The following LIMCH1 variants were observed in gnomAD, a reference collection of about 807,000 sequenced individuals.
The protein encoded by LIMCH1 is LIM and calponin homology domains-containing protein 1.
LIMCH1 carries 113 observed loss-of-function variants against 176.5 expected under a neutral mutation model. That is an observed-to-expected ratio of 0.64 (90% CI 0.55 to 0.75). The LOEUF is 0.75. LIMCH1 is among the 30% of genes least tolerant of loss of function. LIMCH1 has a pLI of 0.00. For synonymous variants in LIMCH1, 619 were observed against 645.9 expected (o/e 0.96, Z 0.63); for missense variants, 1,674 against 1,814.9 (o/e 0.92, Z 1.41).
At position 41,360,945 on chromosome 4, in the gene LIMCH1, G is replaced by C. The variant is rs747216619; in HGVS notation, c.96+9G>C. The stretch of plus-strand genomic sequence containing the variant: ...CGCAGAAGTGGATTGAGGTAGGTGC[G>C]GGTGGCTGGCGGGCGGCCTTGCACT... On this transcript the variant is annotated intron_variant, in intron 1 of 26. Coordinates refer to the LIMCH1 transcript ENST00000313860. The surrounding 1 kb of genome is among the most constrained non-coding windows in gnomAD (Gnocchi z 4.5). 1 of 1,562,896 alleles carries C rather than the reference G, an allele frequency of 6.4e-7. No individual in the cohort carries two copies. Among genetic ancestry groups the C allele is most frequent in the Non-Finnish European group, 8.6e-7 (1 of 1,157,186 alleles).
chr4:41,656,699 A>AT (rs2094473247), intron 18 of LIMCH1, among the ~76,000 whole-genome samples: 1 of 152,122 alleles, frequency 6.6e-6, no homozygotes. Context: ...GTGCCAGAGC[A>AT]TAAATAGACT....
chr4:41,388,552 G>C (rs1398303584), intron 1 of LIMCH1, among the ~76,000 whole-genome samples: 6 of 152,240 alleles, frequency 3.9e-5, no homozygotes, highest in African/African-American at 1.4e-4. Context: ...CATTTGTAGT[G>C]ATGGTTGCAC....
rs539338221 is a variant in LIMCH1, at chr4:41,475,481, C to T, written c.97-19055C>T. Among the ~76,000 whole-genome samples the T allele has an allele frequency of 2.0e-5, 3 of 152,232 alleles. No individual in the cohort carries two copies. In the East Asian group the frequency reaches 5.8e-4, roughly 29 times the overall value. Reference sequence around the variant, plus strand: ...TTCCCCACTTTGCATTCAGTGATATCAGGTTGAGCATGAATTCAGCTAAGG... The same window carrying T: ...TTCCCCACTTTGCATTCAGTGATATTAGGTTGAGCATGAATTCAGCTAAGG... On this transcript the variant is annotated intron_variant, in intron 1 of 26. Coordinates refer to the LIMCH1 transcript ENST00000313860.
At chr4:41,363,034 T>C (rs1198429293) in intron 1 of LIMCH1, among the ~76,000 whole-genome samples, 2 of 152,196 alleles carry the variant, frequency 1.3e-5, no homozygotes, top group African/African-American at 2.4e-5. Context: ...TTTCAATTGT[T>C]GGGTTCAGTT....
At chr4:41,608,625 A>G (rs1176318858) in intron 4 of LIMCH1, among the ~76,000 whole-genome samples, 2 of 152,202 alleles carry the variant, frequency 1.3e-5, no homozygotes, top group East Asian at 1.9e-4. Flanking sequence ...AGCCCTTGGC[A>G]TAAAGTCTGG....
intron 1 of LIMCH1, among the ~76,000 whole-genome samples, chr4:41,577,898 T>A (rs1404930841): frequency 6.6e-6 from 1 of 152,202 alleles, no homozygotes; most frequent in African/African-American, 2.4e-5. Flanking sequence ...AAGCGATCTC[T>A]TGTTGTTGAA....
intron 4 of LIMCH1, chr4:41,613,191 C>G: frequency 8.5e-7 from 1 of 1,176,276 alleles, no homozygotes; most frequent in Non-Finnish European, 1.2e-6. Context: ...TCTTTCTCTA[C>G]TCTTTTTTTT....
intron 16 of LIMCH1, 69 bp downstream of exon 16, chr4:41,646,349 T>A: frequency 6.6e-7 from 1 of 1,526,434 alleles, no homozygotes; most frequent in Non-Finnish European, 8.8e-7. Context: ...TAAAAATTAT[T>A]GGCTGTCACA....
chr4:41,671,807 C>G (rs1424448604), intron 22 of LIMCH1, among the ~76,000 whole-genome samples: 1 of 124,284 alleles, frequency 8.0e-6, no homozygotes, highest in Non-Finnish European at 1.6e-5. Flanking sequence ...ACTAAAAATA[C>G]AAAAATTAGG....
chr4:41,639,519 A>G (rs1295528546), intron 14 of LIMCH1, among the ~76,000 whole-genome samples: 1 of 152,112 alleles, frequency 6.6e-6, no homozygotes, highest in African/African-American at 2.4e-5. Flanking sequence ...GGGGCCAAGG[A>G]TGTAAGACAT....
At chr4:41,667,108 AAAT>A (rs1281884058) in intron 21 of LIMCH1, among the ~76,000 whole-genome samples, 1 of 152,162 alleles carries the variant, frequency 6.6e-6, no homozygotes, top group African/African-American at 2.4e-5. Context: ...CAAAAAAAAA[AAAT>A]TTGTATTATC....
intron 1 of LIMCH1, among the ~76,000 whole-genome samples, chr4:41,477,964 A>AT (rs2068002424): frequency 6.6e-6 from 1 of 152,182 alleles, no homozygotes. Context: ...ATGAAGATGT[A>AT]TTTCTGTAAT....
intron 1 of LIMCH1, among the ~76,000 whole-genome samples, chr4:41,596,048 C>CAAAAAAAAAAA (rs1452167402): frequency 7.9e-5 from 8 of 100,660 alleles, no homozygotes; most frequent in African/African-American, 5.5e-4. Flanking sequence ...GACTCCATCT[C>CAAAAAAAAAAA]AAAAAAAAAA....
At chr4:41,480,474 G>A (rs968195534) in intron 1 of LIMCH1, among the ~76,000 whole-genome samples, 2 of 152,134 alleles carry the variant, frequency 1.3e-5, no homozygotes, top group African/African-American at 4.8e-5. Flanking sequence ...GGGTGTGGTG[G>A]CATGCATCTG....
rs182181691 is a variant in LIMCH1 at position 41,554,212 on chromosome 4, A to T, written c.-241+15862A>T. 3.9e-5 allele frequency among the ~76,000 whole-genome samples: 6 copies of T among 152,172 alleles called. No individual in the cohort carries two copies. In the East Asian group the frequency reaches 1.2e-3, roughly 29 times the overall value. On this transcript the variant is annotated intron_variant, in intron 1 of 31. Transcript: ENST00000503057. ...TCCACTGTTTCTCTTTTTGTCATTT[A>T]TCTATTATTGCAATTGAACTAGGCA...
rs554618380 is a variant in LIMCH1, at chr4:41,680,142, C to T, written c.3612+44C>T. 5.3e-6 allele frequency: 7 copies of T among 1,327,006 alleles called. No homozygotes were observed. The Admixed American group carries it at 1.4e-4, about 26-fold the overall frequency. The allele number at this position is 1,327,006 out of a possible 1,614,324, so 82.2% of individuals were successfully genotyped here. On this transcript the variant is annotated intron_variant, in intron 24 of 31. Coordinates refer to ENST00000503057, the MANE Select transcript of LIMCH1 (RefSeq NM_001330672.2). ...GGAATTTGACCTTGTCATCCCAATTCCTCAAAGTCTAGCAACACTCTCTGT... is the reference window on the plus strand; with the variant it reads ...GGAATTTGACCTTGTCATCCCAATTTCTCAAAGTCTAGCAACACTCTCTGT...
At chr4:41,372,099 T>C (rs2054056282) in intron 1 of LIMCH1, among the ~76,000 whole-genome samples, 1 of 152,190 alleles carries the variant, frequency 6.6e-6, no homozygotes, top group Non-Finnish European at 1.5e-5. Context: ...TTTGTGTTGA[T>C]TGAAACGTCT....
intron 2 of LIMCH1, among the ~76,000 whole-genome samples, chr4:41,497,573 G>A (rs572645688): frequency 1.3e-5 from 2 of 152,302 alleles, no homozygotes; most frequent in South Asian, 4.1e-4. Flanking sequence ...GGAGGCAGGG[G>A]CAGATGGGTC....
At chr4:41,370,762 G>A (rs2053842990) in intron 1 of LIMCH1, among the ~76,000 whole-genome samples, 1 of 152,300 alleles carries the variant, frequency 6.6e-6, no homozygotes, top group Admixed American at 6.5e-5. Context: ...TGTACAAGCG[G>A]TAGTCTAGGA....
Sources: gnomAD v4.1 joint callset for allele counts (sites outside exome capture counted in the v4.1 genomes callset) on GRCh38, gnomAD v4.1.1 for gene constraint, Gnocchi (gnomAD v3.1) non-coding constraint, MANE v1.5 for transcripts, NCBI Gene and HGNC (gene_info 2026-07-23, HGNC 2026-07-21) for gene names.